Variants in CPQ observed in about 807,000 individuals in gnomAD.
The protein encoded by CPQ is Ser-Met dipeptidase.
In CPQ, 37 loss-of-function variants were observed where a neutral mutation model predicts 45.7. That is an observed-to-expected ratio of 0.81 (90% confidence interval 0.62 to 1.07). The LOEUF is 1.07. Among genes scored for constraint, CPQ ranks in the 50% least tolerant of loss-of-function variants. The pLI, the probability that CPQ is intolerant of heterozygous loss-of-function variation, is 0.00. For synonymous variants in CPQ, 186 were observed against 205.8 expected (o/e 0.90, Z 0.82); for missense variants, 537 against 572.9 (o/e 0.94, Z 0.64).
At chr8:97,067,959 C>T (rs944300178) in intron 7 of CPQ, among the ~76,000 whole-genome samples, 2 of 152,022 alleles carry the variant, frequency 1.3e-5, no homozygotes, top group Non-Finnish European at 1.5e-5. Flanking sequence ...AATTGAGAAA[C>T]CCTGAATAAG....
chr8:96,835,122 G>A lies in CPQ; in HGVS notation c.583G>A (p.Ala195Thr). Residue 195 changes from alanine (A) to threonine (T), a missense_variant, in exon 3 of 8, where the codon GCC becomes ACC. Coordinates refer to ENST00000220763, the MANE Select transcript of CPQ (RefSeq NM_016134.4). Reference sequence around the variant, plus strand: ...CCGAACGCAGGGGGCGGTGGAAGCTGCCAAGGTGGGGGCTTTGGCATCTCT... The same window carrying A: ...CCGAACGCAGGGGGCGGTGGAAGCTACCAAGGTGGGGGCTTTGGCATCTCT... ...QYRTQGAVEA[A>T]KVGALASLIR... 1 of 1,591,290 alleles carries A rather than the reference G, an allele frequency of 6.3e-7. No individual in the cohort carries two copies. The highest frequency in any genetic ancestry group is 8.6e-7 in the Non-Finnish European group (1 of 1,167,554).
At chr8:96,888,688 C>T (rs1472228121) in intron 4 of CPQ, among the ~76,000 whole-genome samples, 1 of 152,134 alleles carries the variant, frequency 6.6e-6, no homozygotes, top group Non-Finnish European at 1.5e-5. Flanking sequence ...CTGATGTGCA[C>T]TGGGAATCTT....
intron 7 of CPQ, among the ~76,000 whole-genome samples, chr8:97,093,958 C>T (rs1351441824): frequency 6.6e-6 from 1 of 152,140 alleles, no homozygotes; most frequent in Non-Finnish European, 1.5e-5. Context: ...GTAGGACTCC[C>T]ATAGGGTGTG....
At chr8:96,899,104 T>A (rs1812482056) in intron 4 of CPQ, among the ~76,000 whole-genome samples, 1 of 152,108 alleles carries the variant, frequency 6.6e-6, no homozygotes, top group African/African-American at 2.4e-5. Context: ...ATATTCTAGT[T>A]GATAAAAAGT....
At chr8:96,908,777 A>ACACCCC (rs147900019) in intron 4 of CPQ, among the ~76,000 whole-genome samples, 25 of 150,164 alleles carry the variant, frequency 1.7e-4, no homozygotes, top group African/African-American at 3.5e-4. Context: ...ACACACACAC[A>ACACCCC]CCATATATTC....
chr8:96,881,371 G>A (rs1812221359), intron 4 of CPQ, among the ~76,000 whole-genome samples: 1 of 152,058 alleles, frequency 6.6e-6, no homozygotes, highest in Non-Finnish European at 1.5e-5. Flanking sequence ...AAGGGGAGGG[G>A]AGATGCCACA....
rs112749614 is a variant in CPQ, at chr8:97,078,368, G to A, written c.1255+12158G>A. ...ACAGTAAGTGTGTGTGTTGCTACTG[G>A]ATTGTTCATTGTTTCTAGGTCTTTT... On this transcript the variant is annotated intron_variant, in intron 7 of 7. Coordinates refer to ENST00000220763, the MANE Select transcript of CPQ (RefSeq NM_016134.4). Among the ~76,000 whole-genome samples the A allele has an allele frequency of 8.4e-3, 1,278 of 152,276 alleles. 9 individuals are homozygous for A. The highest frequency in any genetic ancestry group is 0.011 in the Non-Finnish European group (723 of 68,016).
intron 4 of CPQ, among the ~76,000 whole-genome samples, chr8:96,880,573 A>ATATATG (rs1812210640): frequency 2.8e-5 from 3 of 108,966 alleles, no homozygotes; most frequent in African/African-American, 1.1e-4. Flanking sequence ...ATATATATAT[A>ATATATG]TATACCATGG....
intron 5 of CPQ, among the ~76,000 whole-genome samples, chr8:97,006,309 TC>T (rs775937252): frequency 6.6e-6 from 1 of 152,106 alleles, no homozygotes; most frequent in Non-Finnish European, 1.5e-5. Context: ...TTAAGTCTCT[TC>T]CCGTGTCTAT....
intron 1 of CPQ, among the ~76,000 whole-genome samples, chr8:96,744,454 G>A (rs764279660): frequency 2.6e-5 from 4 of 152,204 alleles, no homozygotes; most frequent in African/African-American, 7.2e-5. Flanking sequence ...GGTCATGCTG[G>A]GAGCTGTAGA....
intron 4 of CPQ, among the ~76,000 whole-genome samples, chr8:96,931,665 G>A (rs1236086322): frequency 2.0e-5 from 3 of 152,148 alleles, no homozygotes; most frequent in Non-Finnish European, 4.4e-5. Flanking sequence ...CCATCCTGTG[G>A]CTTTGCATAG....
chr8:96,650,762 T>C (rs940315713), intron 1 of CPQ, among the ~76,000 whole-genome samples: 13 of 152,230 alleles, frequency 8.5e-5, no homozygotes, highest in African/African-American at 2.4e-4. Context: ...AAAGGATCCT[T>C]AGCACTGATT....
intron 7 of CPQ, among the ~76,000 whole-genome samples, chr8:97,074,993 G>A (rs192543692): frequency 3.3e-5 from 5 of 152,036 alleles, no homozygotes; most frequent in South Asian, 2.1e-4. Context: ...CGAAGATACC[G>A]GAACGCTTTA....
At chr8:97,051,966 C>G (rs887115916) in intron 6 of CPQ, among the ~76,000 whole-genome samples, 7 of 152,168 alleles carry the variant, frequency 4.6e-5, no homozygotes, top group Non-Finnish European at 8.8e-5. Flanking sequence ...ATGGAGAACA[C>G]AGATATCCAA....
chr8:96,876,416 T>A (rs1029989781), intron 3 of CPQ, among the ~76,000 whole-genome samples: 1 of 152,260 alleles, frequency 6.6e-6, no homozygotes, highest in African/African-American at 2.4e-5. Context: ...ATATGGAATT[T>A]AAAAAATTTT....
intron 1 of CPQ, among the ~76,000 whole-genome samples, chr8:96,681,930 T>C (rs1809158169): frequency 6.6e-6 from 1 of 152,062 alleles, no homozygotes; most frequent in Non-Finnish European, 1.5e-5. Flanking sequence ...TTTTGGCCAA[T>C]GTCTCCCATT....
intron 1 of CPQ, among the ~76,000 whole-genome samples, chr8:96,676,642 T>C (rs1158404033): frequency 1.3e-5 from 2 of 152,108 alleles, no homozygotes; most frequent in African/African-American, 2.4e-5. Flanking sequence ...CCCTTCGATA[T>C]ACTGATTTCT....
At chr8:96,777,761 T>TATATATATATATATATATATA (rs1491343688) in intron 1 of CPQ, among the ~76,000 whole-genome samples, 3 of 12,898 alleles carry the variant, frequency 2.3e-4, no homozygotes, top group African/African-American at 3.8e-4. Flanking sequence ...TATATATATA[T>TATATATATATATATATATATA]TTTTTTTTTT....
chr8:96,911,397 A>G (rs1276322429), intron 4 of CPQ, among the ~76,000 whole-genome samples: 7 of 152,226 alleles, frequency 4.6e-5, no homozygotes, highest in Non-Finnish European at 2.9e-5. Flanking sequence ...CTGAGAGCAC[A>G]GTGGCAGGTG....
Sources: gnomAD v4.1 joint callset for allele counts (sites outside exome capture counted in the v4.1 genomes callset) on GRCh38, gnomAD v4.1.1 for gene constraint, MANE v1.5 for transcripts, NCBI Gene and HGNC (gene_info 2026-07-23, HGNC 2026-07-21) for gene names.